Variants in FOXP2 observed in about 807,000 individuals in gnomAD.
FOXP2 encodes forkhead box P2, also known as forkhead box protein P2.
Under a neutral mutation model 115.8 loss-of-function variants are expected in FOXP2, and 12 were observed. The observed-to-expected ratio is 0.10, with a 90% confidence interval of 0.07 to 0.17. FOXP2 has a LOEUF of 0.17. FOXP2 is among the 10% of genes least tolerant of loss of function. The pLI is 1.00. For synonymous variants in FOXP2, 328 were observed against 297.7 expected, an observed-to-expected ratio of 1.10 and a Z score of -1.05; for missense variants, 629 against 843.5, an observed-to-expected ratio of 0.75 and a Z score of 3.15.
chr7:114,561,837 T>C (rs1800774265), intron 3 of FOXP2, among the ~76,000 whole-genome samples: 1 of 152,308 alleles, frequency 6.6e-6, no homozygotes, highest in South Asian at 2.1e-4. Context: ...TAGCCCATGC[T>C]GGAGTGCAGT....
intron 2 of FOXP2, among the ~76,000 whole-genome samples, chr7:114,469,949 C>T (rs74702015): frequency 2.0e-5 from 3 of 152,062 alleles, no homozygotes; most frequent in African/African-American, 4.8e-5. Flanking sequence ...ATCATACTTA[C>T]GATAGTCCAT....
chr7:114,624,168 G>A (rs765717619), intron 3 of FOXP2, among the ~76,000 whole-genome samples: 1 of 151,796 alleles, frequency 6.6e-6, no homozygotes, highest in African/African-American at 2.4e-5. Context: ...GCAAACAGAA[G>A]AAATGTATCA....
At chr7:114,593,189 C>G (rs1300852725) in intron 3 of FOXP2, among the ~76,000 whole-genome samples, 1 of 151,282 alleles carries the variant, frequency 6.6e-6, no homozygotes, top group Non-Finnish European at 1.5e-5. Context: ...ATTTTAATGT[C>G]TCTTTTTAAA....
intron 1 of FOXP2, among the ~76,000 whole-genome samples, chr7:114,171,401 C>T (rs1327155628): frequency 6.6e-6 from 1 of 152,064 alleles, no homozygotes; most frequent in Non-Finnish European, 1.5e-5. Flanking sequence ...AACGAGACCT[C>T]ATCTCTGCAA....
rs1227553429 is a variant in FOXP2, at chr7:114,428,230, AGTAGAT to A, written c.168+1553_168+1558del. ...TAAATGAACATCGCAGTTGAGTATC[AGTAGAT>A]GATAGGTTATGAAAAAATGCCAAGA... On this transcript the variant is annotated intron_variant, in intron 2 of 16. Coordinates refer to ENST00000350908, the MANE Select transcript of FOXP2 (RefSeq NM_014491.4). Among the ~76,000 whole-genome samples, 23 of 151,662 alleles carry A rather than the reference AGTAGAT, an allele frequency of 1.5e-4. No homozygotes were observed. The Admixed American group carries it at 1.5e-3, about 10-fold the overall frequency.
At chr7:114,423,585 T>G (rs1793710479) in intron 1 of FOXP2, among the ~76,000 whole-genome samples, 1 of 151,662 alleles carries the variant, frequency 6.6e-6, no homozygotes, top group African/African-American at 2.4e-5. Flanking sequence ...GAATTTATTT[T>G]CACTGATTTT....
chr7:114,372,843 A>G (rs1231315454), intron 2 of FOXP2, among the ~76,000 whole-genome samples: 1 of 152,158 alleles, frequency 6.6e-6, no homozygotes, highest in Non-Finnish European at 1.5e-5. Context: ...AGATTGCGTA[A>G]CATGTTTAAG....
chr7:114,362,174 A>G (rs1791763191), intron 2 of FOXP2, among the ~76,000 whole-genome samples: 1 of 152,128 alleles, frequency 6.6e-6, no homozygotes, highest in Admixed American at 6.6e-5. Context: ...ATTGAGATTC[A>G]TAATCATGAG....
chr7:114,267,455 A>G (rs921717480), intron 1 of FOXP2, among the ~76,000 whole-genome samples: 7 of 152,054 alleles, frequency 4.6e-5, no homozygotes, highest in Non-Finnish European at 8.8e-5. Flanking sequence ...TAGGCTGGGC[A>G]CAGTGGCTCA....
chr7:114,470,463 G>A (rs1325097643), intron 2 of FOXP2, among the ~76,000 whole-genome samples: 2 of 152,022 alleles, frequency 1.3e-5, no homozygotes, highest in Non-Finnish European at 1.5e-5. Flanking sequence ...TTATTTGTGT[G>A]GTTATTTTAT....
intron 2 of FOXP2, among the ~76,000 whole-genome samples, chr7:114,514,986 C>T (rs1178832450): frequency 6.6e-6 from 1 of 151,130 alleles, no homozygotes; most frequent in Non-Finnish European, 1.5e-5. Flanking sequence ...TTTGTTCTTG[C>T]AATAGTTTAC....
chr7:114,330,109 A>AT (rs906575765), intron 2 of FOXP2, among the ~76,000 whole-genome samples: 3 of 151,664 alleles, frequency 2.0e-5, no homozygotes, highest in African/African-American at 4.8e-5. Flanking sequence ...AAGTCTGTGG[A>AT]TTTTTTTTCC....
At chr7:114,299,492 T>C (rs1290140965) in intron 2 of FOXP2, among the ~76,000 whole-genome samples, 2 of 151,690 alleles carry the variant, frequency 1.3e-5, no homozygotes, top group Non-Finnish European at 2.9e-5. Context: ...CTTATTTATA[T>C]TTTTTTATTA....
At chr7:114,536,417 T>C (rs1200700707) in intron 3 of FOXP2, among the ~76,000 whole-genome samples, 1 of 107,112 alleles carries the variant, frequency 9.3e-6, no homozygotes, top group Admixed American at 8.6e-5. Flanking sequence ...TTTTTTTTTT[T>C]TGTTGTTGTT....
At chr7:114,284,437 T>C (rs992791433) in intron 1 of FOXP2, among the ~76,000 whole-genome samples, 7 of 152,104 alleles carry the variant, frequency 4.6e-5, no homozygotes, top group African/African-American at 1.5e-4. Context: ...AGTTAGCCTC[T>C]CTAGTTCAGT....
At chr7:114,648,936 A>G (rs566155890) in intron 8 of FOXP2, among the ~76,000 whole-genome samples, 2 of 152,026 alleles carry the variant, frequency 1.3e-5, no homozygotes, top group East Asian at 3.9e-4. Context: ...TCATTAGGGG[A>G]CATTAGGGAC....
chr7:114,346,491 G>T (rs1791352200), intron 2 of FOXP2, among the ~76,000 whole-genome samples: 1 of 151,734 alleles, frequency 6.6e-6, no homozygotes, highest in Admixed American at 6.6e-5. Context: ...GCTGTTTATT[G>T]CAGTGTTATT....
chr7:114,436,313 T>C (rs1794346827), intron 2 of FOXP2, among the ~76,000 whole-genome samples: 1 of 151,744 alleles, frequency 6.6e-6, no homozygotes, highest in African/African-American at 2.4e-5. Context: ...ACAGTTACAA[T>C]TTCATATTTA....
At chr7:114,152,221 G>A (rs900706758) in intron 1 of FOXP2, among the ~76,000 whole-genome samples, 7 of 152,142 alleles carry the variant, frequency 4.6e-5, no homozygotes, top group South Asian at 4.2e-4. Flanking sequence ...AAATTGTTCC[G>A]ACATTATCTA....
Sources: gnomAD v4.1 joint callset for allele counts (sites outside exome capture counted in the v4.1 genomes callset) on GRCh38, gnomAD v4.1.1 for gene constraint, MANE v1.5 for transcripts, NCBI Gene and HGNC (gene_info 2026-07-23, HGNC 2026-07-21) for gene names.